Variants in SETD7 observed in about 807,000 individuals in gnomAD.
SETD7 encodes the protein histone-lysine N-methyltransferase SETD7.
A neutral mutation model predicts 41.8 loss-of-function variants in SETD7; 16 were observed. That is an observed-to-expected ratio of 0.38 (90% CI 0.26 to 0.58). The LOEUF (loss-of-function observed/expected upper bound fraction) is 0.58. SETD7 is among the 20% of genes least tolerant of loss of function. The pLI, the probability that SETD7 is intolerant of heterozygous loss-of-function variation, is 0.64. For synonymous variants in SETD7, 163 were observed against 169.7 expected (o/e 0.96, Z 0.31); for missense variants, 346 against 459.7 (o/e 0.75, Z 2.26).
chr4:139,519,207 C>T (rs1469233510), intron 6 of SETD7, among the ~76,000 whole-genome samples: 2 of 152,130 alleles, frequency 1.3e-5, no homozygotes, highest in Admixed American at 6.6e-5. Context: ...TTCTTATCTC[C>T]CCAACAGAAT....
intron 2 of SETD7, among the ~76,000 whole-genome samples, chr4:139,542,524 T>G (rs938513623): frequency 6.6e-6 from 1 of 152,202 alleles, no homozygotes; most frequent in African/African-American, 2.4e-5. Context: ...TGTAGAATTA[T>G]GTGTCAATTA....
chr4:139,534,251 T>C (rs1488397156), intron 2 of SETD7, among the ~76,000 whole-genome samples: 2 of 152,128 alleles, frequency 1.3e-5, no homozygotes, highest in Admixed American at 6.6e-5. Context: ...CACCCAAAAT[T>C]CCCTTTAAGT....
At chr4:139,540,444 T>G (rs147608323) in intron 2 of SETD7, among the ~76,000 whole-genome samples, 1 of 152,170 alleles carries the variant, frequency 6.6e-6, no homozygotes, top group Non-Finnish European at 1.5e-5. Flanking sequence ...CTGTTTCAAG[T>G]TGGAAGATGG....
At chr4:139,548,273 T>G (rs912429331) in intron 1 of SETD7, among the ~76,000 whole-genome samples, 2 of 152,208 alleles carry the variant, frequency 1.3e-5, no homozygotes, top group African/African-American at 4.8e-5. Flanking sequence ...CTCAAATAAT[T>G]TATTCTAACA....
At position 139,517,571 on chromosome 4, in the gene SETD7, T is replaced by G. The variant is rs147536674; in HGVS notation, c.920+314A>C. Among the ~76,000 whole-genome samples the G allele has an allele frequency of 1.4e-3, 207 of 152,130 alleles. 1 individual carries two copies. Among genetic ancestry groups the G allele is most frequent in the African/African-American group, 4.8e-3 (199 of 41,470 alleles). On this transcript the variant is annotated intron_variant, in intron 7 of 7. Coordinates refer to ENST00000274031, the MANE Select transcript of SETD7 (RefSeq NM_030648.4). ...TACTATTATTTCAAATAACACTATC[T>G]TTAATTGTCCAAAACGAGAAAACTG...
rs563917185 is a variant in SETD7 at position 139,496,848 on chromosome 4, C to T, written c.921-327G>A. Among the ~76,000 whole-genome samples the T allele has an allele frequency of 3.3e-5, 5 of 152,198 alleles. No individual in the cohort carries two copies. The East Asian group carries it at 5.8e-4, about 18-fold the overall frequency. ...CCACATAGCTGTAGGTTTTGTAAAT[C>T]GTACTTAGATAAGTTGTGTTCCTGT... On this transcript the variant is annotated intron_variant, in intron 7 of 7. Coordinates refer to the SETD7 transcript ENST00000506866.
chr4:139,539,082 G>A (rs1443639803), intron 2 of SETD7, among the ~76,000 whole-genome samples: 1 of 152,056 alleles, frequency 6.6e-6, no homozygotes, highest in African/African-American at 2.4e-5. Context: ...TTTGAATATA[G>A]AAAACTGTTC....
intron 4 of SETD7, 115 bp downstream of exon 4, chr4:139,528,916 T>A: frequency 1.1e-6 from 1 of 918,756 alleles, no homozygotes; most frequent in Non-Finnish European, 1.7e-6. Context: ...ACCTGACTAA[T>A]AAACACGATT....
chr4:139,494,395 G>T (rs1013983813), downstream of SETD7, among the ~76,000 whole-genome samples: 3 of 152,114 alleles, frequency 2.0e-5, no homozygotes, highest in South Asian at 6.2e-4. Context: ...TCAATATCCA[G>T]CATACCTGAG....
rs1406439378 is a variant in SETD7 at position 139,555,790 on chromosome 4, G to A, written c.40+308C>T. On this transcript the variant is annotated intron_variant, in intron 1 of 7. Coordinates refer to ENST00000274031, the MANE Select transcript of SETD7 (RefSeq NM_030648.4). This position sits in a 1 kb window ranked among gnomAD's most constrained non-coding sequence, Gnocchi z 4.0. ...CGCGCCCAAAGGCGGAAAGGCCAGA[G>A]CGCGGGGCAGGTTTCGCAACTCCGA... Among the ~76,000 whole-genome samples the A allele has an allele frequency of 6.6e-6, 1 of 152,170 alleles. No homozygotes were observed. The highest frequency in any genetic ancestry group is 2.4e-5 in the African/African-American group (1 of 41,454).
At chr4:139,536,326 A>AT (rs940527190) in intron 2 of SETD7, among the ~76,000 whole-genome samples, 9 of 152,016 alleles carry the variant, frequency 5.9e-5, no homozygotes, top group Non-Finnish European at 1.3e-4. Flanking sequence ...AAAAGTTATG[A>AT]TTTTTTTTCT....
chr4:139,516,749 TTTGAAGTAGATAATTCAGTGGCCTTTC>T (rs1727037380), intron 7 of SETD7, among the ~76,000 whole-genome samples: 1 of 152,210 alleles, frequency 6.6e-6, no homozygotes, highest in African/African-American at 2.4e-5. Flanking sequence ...ATATTTACCT[TTTGAAGTAGATAATTCAGTGGCCTTTC>T]AACCACTGAA....
At chr4:139,497,208 A>T (rs570610516) in intron 7 of SETD7, among the ~76,000 whole-genome samples, 72 of 152,266 alleles carry the variant, frequency 4.7e-4, no homozygotes, top group East Asian at 3.5e-3. Context: ...TAATCCCAGC[A>T]CTTTGGGAGG....
chr4:139,497,840 G>C (rs1215756801), intron 7 of SETD7, among the ~76,000 whole-genome samples: 1 of 152,024 alleles, frequency 6.6e-6, no homozygotes, highest in Non-Finnish European at 1.5e-5. Flanking sequence ...TGATCCACCC[G>C]CCTCGGCCTC....
rs549815460 is a variant in SETD7, at chr4:139,523,410, C to T, written c.588G>A (p.Ser196=). ...CATTGGTAGAAATGCAAGATGAAGTCGACTTATCAAAGTGGTACACTGAAT... is the reference window on the plus strand; with the variant it reads ...CATTGGTAGAAATGCAAGATGAAGTTGACTTATCAAAGTGGTACACTGAAT... ...PGNSVYHFDK[S]TSSCISTNAL... The change falls in exon 5 of 8, where the codon TCG becomes TCA. Residue 196 remains serine, a synonymous_variant. Coordinates refer to ENST00000274031, the MANE Select transcript of SETD7 (RefSeq NM_030648.4). 1.1e-5 allele frequency: 17 copies of T among 1,613,356 alleles called. No homozygotes were observed. The highest frequency in any genetic ancestry group is 5.0e-5 in the Admixed American group (3 of 59,984).
chr4:139,496,873 T>TACAC (rs371772681), intron 7 of SETD7, among the ~76,000 whole-genome samples: 9 of 149,736 alleles, frequency 6.0e-5, no homozygotes, highest in East Asian at 3.9e-4. Flanking sequence ...TGTGTTCCTG[T>TACAC]ACACACACAC....
intron 1 of SETD7, among the ~76,000 whole-genome samples, chr4:139,547,626 C>A (rs574992090): frequency 1.1e-4 from 16 of 152,344 alleles, no homozygotes; most frequent in Non-Finnish European, 1.3e-4. Flanking sequence ...TATATTCACA[C>A]AAGGAACAGT....
At chr4:139,544,813 TG>T (rs1381238466) in intron 2 of SETD7, among the ~76,000 whole-genome samples, 5 of 151,744 alleles carry the variant, frequency 3.3e-5, no homozygotes, top group African/African-American at 1.2e-4. Context: ...TGTGTGTGTG[TG>T]TGTGTGTGTG....
intron 2 of SETD7, among the ~76,000 whole-genome samples, chr4:139,542,883 T>C (rs1260127672): frequency 6.6e-6 from 1 of 152,238 alleles, no homozygotes; most frequent in Non-Finnish European, 1.5e-5. Flanking sequence ...ATTTTCTTGA[T>C]ATGTTTATAT....
Sources: gnomAD v4.1 joint callset for allele counts (sites outside exome capture counted in the v4.1 genomes callset) on GRCh38, gnomAD v4.1.1 for gene constraint, Gnocchi (gnomAD v3.1) non-coding constraint, MANE v1.5 for transcripts, NCBI Gene and HGNC (gene_info 2026-07-23, HGNC 2026-07-21) for gene names.